Variants in GLB1 observed in about 807,000 individuals in gnomAD.
GLB1 encodes galactosidase beta 1.
A neutral mutation model predicts 74.0 loss-of-function variants in GLB1; 56 were observed. The observed-to-expected ratio is 0.76, with a 90% confidence interval of 0.61 to 0.94. The LOEUF (loss-of-function observed/expected upper bound fraction) is 0.94. Ranked by LOEUF, GLB1 falls within the 40% of genes least tolerant of loss-of-function variation. The pLI, the probability that GLB1 is intolerant of heterozygous loss-of-function variation, is 0.00. For missense variants in GLB1, 787 were observed against 845.5 expected, an observed-to-expected ratio of 0.93 and a Z score of 0.86; for synonymous variants, 323 against 323.6, an observed-to-expected ratio of 1.00 and a Z score of 0.02.
intron 1 of GLB1, among the ~76,000 whole-genome samples, chr3:33,075,944 C>A (rs1700086450): frequency 6.6e-6 from 1 of 151,390 alleles, no homozygotes; most frequent in Admixed American, 6.6e-5. Flanking sequence ...ACACAGGAGG[C>A]TGAGGCAGGA....
chr3:32,990,558 G>C, the GLB1 span, among the ~76,000 whole-genome samples: 1 of 152,192 alleles, frequency 6.6e-6, no homozygotes, highest in South Asian at 2.1e-4. Flanking sequence ...CATCACACTA[G>C]AAGGGATACA....
At position 33,065,472 on chromosome 3, in the gene GLB1, T is replaced by C; in HGVS notation, c.543A>G (p.Ile181Met). The stretch of plus-strand genomic sequence containing the variant: ...TCAACTCCAGGGTTACCTGCACTGT[T>C]ATAACTGGCCCTCCATTCTGATAGA... The part of the protein sequence containing the change: ...PLLYQNGGPV[I>M]TVQVENEYGS... Residue 181 changes from isoleucine (I) to methionine (M), a missense_variant, in exon 5 of 16, where the codon ATA (isoleucine) becomes ATG (methionine). By Grantham distance (10) the Ile-to-Met change is conservative (BLOSUM62 1). Transcript: ENST00000307363. 1 of 1,581,048 alleles carries C rather than the reference T, an allele frequency of 6.3e-7. No homozygotes were observed. The highest frequency in any genetic ancestry group is 1.3e-5 in the African/African-American group (1 of 74,628).
intron 10 of GLB1, chr3:33,034,831 A>T: frequency 1.7e-6 from 1 of 578,240 alleles, no homozygotes; most frequent in Non-Finnish European, 3.4e-6. Context: ...AGAGCCTCCC[A>T]CCTGCCAGCT....
At chr3:32,969,071 G>A in the GLB1 span, among the ~76,000 whole-genome samples, 5 of 152,200 alleles carry the variant, frequency 3.3e-5, no homozygotes, top group East Asian at 1.9e-4. Context: ...TTCTCAAGCC[G>A]GAGAGATTTG....
chr3:33,063,781 G>A (rs1382939629), intron 5 of GLB1, among the ~76,000 whole-genome samples: 1 of 152,108 alleles, frequency 6.6e-6, no homozygotes, highest in East Asian at 1.9e-4. Context: ...GGAAAATGTG[G>A]TTCCTATTAG....
At chr3:33,033,854 G>A (rs373757485) in intron 10 of GLB1, 13 of 471,466 alleles carry the variant, frequency 2.8e-5, no homozygotes, top group South Asian at 1.9e-4. Flanking sequence ...GAGCAGTCAC[G>A]CTGGTATCAT....
At chr3:33,092,226 C>G in intron 1 of GLB1, 1 of 985,698 alleles carries the variant, frequency 1.0e-6, no homozygotes, top group Non-Finnish European at 1.2e-6. Context: ...AGGCCTGGAA[C>G]AGGAGGAGCT....
chr3:33,080,092 GT>G (rs1377472396), intron 1 of GLB1, among the ~76,000 whole-genome samples: 3 of 137,850 alleles, frequency 2.2e-5, no homozygotes, highest in African/African-American at 3.1e-5. Context: ...CCTGAAAACT[GT>G]TTTTTTTTGT....
At chr3:33,049,223 C>T (rs895574582) in intron 9 of GLB1, among the ~76,000 whole-genome samples, 1 of 152,158 alleles carries the variant, frequency 6.6e-6, no homozygotes, top group African/African-American at 2.4e-5. Context: ...CACCAGGTCT[C>T]AACTGTTTCT....
chr3:33,034,373 C>A, intron 10 of GLB1: 7 of 757,926 alleles, frequency 9.2e-6, no homozygotes, highest in South Asian at 8.2e-5. Flanking sequence ...CATAGACCAG[C>A]TGTTCAGGCA....
At chr3:33,083,275 G>A (rs556539857) in intron 1 of GLB1, among the ~76,000 whole-genome samples, 4 of 151,994 alleles carry the variant, frequency 2.6e-5, no homozygotes, top group South Asian at 2.1e-4. Flanking sequence ...GCACATGCCT[G>A]TAATCCCAGC....
At chr3:32,997,787 C>A (rs1184105553) in intron 15 of GLB1, among the ~76,000 whole-genome samples, 2 of 152,214 alleles carry the variant, frequency 1.3e-5, no homozygotes, top group Admixed American at 6.5e-5. Context: ...TTAAATAGAT[C>A]TTTTCCTTCT....
At chr3:33,060,971 C>T (rs551448252) in intron 5 of GLB1, among the ~76,000 whole-genome samples, 3 of 151,652 alleles carry the variant, frequency 2.0e-5, no homozygotes, top group Admixed American at 1.3e-4. Context: ...TTCTATGTTA[C>T]TACCAATTAG....
At position 33,032,197 on chromosome 3, in the gene GLB1, C is replaced by T. The variant is rs958124095; in HGVS notation, c.1069-7872G>A. 2.0e-5 allele frequency among the ~76,000 whole-genome samples: 3 copies of T among 152,174 alleles called. No individual in the cohort carries two copies. The South Asian group carries it at 6.2e-4, about 31-fold the overall frequency. ...TGTCTTTTGCTTGGCCCATTGCCCT[C>T]CTCAGTCAGCTCCCCATGTGCAGTC... On this transcript the variant is annotated intron_variant, in intron 10 of 15. Coordinates refer to ENST00000307363, the MANE Select transcript of GLB1 (RefSeq NM_000404.4).
At position 33,093,466 on chromosome 3, in the gene GLB1, C is replaced by A. The variant is rs1700862954; in HGVS notation, c.75+3545G>T. The A allele has an allele frequency of 1.9e-6, 3 of 1,614,072 alleles. No individual in the cohort carries two copies. Among genetic ancestry groups the A allele is most frequent in the African/African-American group, 1.3e-5 (1 of 74,908 alleles). ...GCTTCTGAGTCGGAGAGGTCACCCA[C>A]AATCACCGTGATGTCTGGTTCCAGC... is the stretch of plus-strand genomic sequence containing the variant. On this transcript the variant is annotated intron_variant, in intron 1 of 15. Transcript: ENST00000307363. This position sits in a 1 kb window ranked among gnomAD's most constrained non-coding sequence, Gnocchi z 6.0.
At chr3:33,051,711 C>T in intron 9 of GLB1, 47 bp downstream of exon 9, 1 of 1,612,434 alleles carries the variant, frequency 6.2e-7, no homozygotes, top group Non-Finnish European at 8.5e-7. Flanking sequence ...AATTAATCAA[C>T]AGAAACATTC....
chr3:32,982,936 T>G, the GLB1 span, among the ~76,000 whole-genome samples: 1 of 152,338 alleles, frequency 6.6e-6, no homozygotes, highest in East Asian at 1.9e-4. Context: ...TTGTATTATC[T>G]TTGGTCTTCT....
intron 2 of GLB1, among the ~76,000 whole-genome samples, chr3:33,069,553 T>C (rs1228979902): frequency 1.3e-5 from 2 of 152,206 alleles, no homozygotes; most frequent in Non-Finnish European, 2.9e-5. Flanking sequence ...TTACTATTGA[T>C]TAAGGGAAGA....
Position 33,077,255 on chromosome 3 carries a change from A to G in GLB1, c.76-4542T>C, listed in dbSNP as rs745927390. On this transcript the variant is annotated intron_variant, in intron 1 of 15. Transcript: ENST00000307363. ...AATCGAGACTGAGAACAAAGATCATATTAATTTGAAGGTGGCAGGGCAGGA... is the reference window on the plus strand; with the variant it reads ...AATCGAGACTGAGAACAAAGATCATGTTAATTTGAAGGTGGCAGGGCAGGA... 1.9e-6 allele frequency: 3 copies of G among 1,567,624 alleles called. No homozygotes were observed. The African/African-American group carries it at 4.1e-5, about 21-fold the overall frequency.
Sources: allele counts gnomAD v4.1 joint callset (sites outside exome capture counted in the v4.1 genomes callset), GRCh38; gene constraint gnomAD v4.1.1; non-coding constraint Gnocchi (gnomAD v3.1); transcripts MANE v1.5; gene names NCBI Gene and HGNC (gene_info 2026-07-23, HGNC 2026-07-21).